The following TLCD4 variants were observed in gnomAD, a reference collection of about 807,000 sequenced individuals.
The protein encoded by TLCD4 is TLC domain containing 4.
TLCD4 carries 7 observed loss-of-function variants against 24.2 expected under a neutral mutation model. That is an observed-to-expected ratio of 0.29 (90% CI 0.16 to 0.54). The LOEUF (loss-of-function observed/expected upper bound fraction) is 0.54. Ranked by LOEUF, TLCD4 falls within the 20% of genes least tolerant of loss-of-function variation. TLCD4 has a pLI of 0.95. For synonymous variants in TLCD4, 103 were observed against 106.4 expected (o/e 0.97, Z 0.20); for missense variants, 259 against 313.9 (o/e 0.82, Z 1.32).
the TLCD4 span, among the ~76,000 whole-genome samples, chr1:95,105,323 C>T: frequency 6.6e-6 from 1 of 152,108 alleles, no homozygotes; most frequent in African/African-American, 2.4e-5. Context: ...AAAATAAATT[C>T]CCTGAAATAT....
At chr1:95,125,959 C>T (rs1371514074) in intron 1 of TLCD4, among the ~76,000 whole-genome samples, 2 of 148,850 alleles carry the variant, frequency 1.3e-5, no homozygotes, top group African/African-American at 5.0e-5. Flanking sequence ...TGAGACAAGC[C>T]TGGACAACAT....
the TLCD4 span, among the ~76,000 whole-genome samples, chr1:95,106,006 C>A: frequency 6.6e-6 from 1 of 151,932 alleles, no homozygotes; most frequent in Admixed American, 6.6e-5. Context: ...CTGAATGCTT[C>A]TGTGGGACGA....
intron 6 of TLCD4, among the ~76,000 whole-genome samples, chr1:95,178,506 A>G (rs994179279): frequency 2.3e-5 from 3 of 129,134 alleles, no homozygotes; most frequent in African/African-American, 6.1e-5. Flanking sequence ...CAGGTGATCC[A>G]CCCACCTCGG....
chr1:95,165,364 T>C (rs530398282), intron 5 of TLCD4, among the ~76,000 whole-genome samples: 180 of 152,196 alleles, frequency 1.2e-3, no homozygotes, highest in Non-Finnish European at 1.9e-3. Flanking sequence ...TAACTTTGAG[T>C]GAATATCCAT....
chr1:95,145,782 A>G (rs1244301831), intron 2 of TLCD4, among the ~76,000 whole-genome samples: 1 of 152,094 alleles, frequency 6.6e-6, no homozygotes, highest in African/African-American at 2.4e-5. Context: ...GATGAAAATG[A>G]AATGAAATTG....
chr1:95,128,969 T>G (rs946684858), intron 1 of TLCD4, among the ~76,000 whole-genome samples: 2 of 152,116 alleles, frequency 1.3e-5, no homozygotes, highest in African/African-American at 2.4e-5. Context: ...GGTAGCAAGG[T>G]GGGGCCACCC....
chr1:95,180,056 T>G (rs1325956824), intron 6 of TLCD4, among the ~76,000 whole-genome samples: 3 of 152,250 alleles, frequency 2.0e-5, no homozygotes, highest in Admixed American at 6.5e-5. Flanking sequence ...GGGCCAAATT[T>G]TGTTAAACTT....
At chr1:95,177,316 C>T (rs1678467754) in intron 6 of TLCD4, among the ~76,000 whole-genome samples, 1 of 152,010 alleles carries the variant, frequency 6.6e-6, no homozygotes, top group Non-Finnish European at 1.5e-5. Context: ...ATCTAAAACC[C>T]GGGGAAGGCT....
rs1679059176 is a variant in TLCD4, at chr1:95,192,460, T to C, written c.*592T>C. On this transcript the variant is annotated 3_prime_UTR_variant, in exon 7 of 7. Coordinates refer to ENST00000370203, the MANE Select transcript of TLCD4 (RefSeq NM_152487.3). ...TGAATCTTTTGAGAAATCTCTTAAC[T>C]GCATTGGTATTTTTTCTCTGTGAAA... 6.6e-6 allele frequency: 1 copy of C among 152,242 alleles called. No homozygotes were observed. Among genetic ancestry groups the C allele is most frequent in the South Asian group, 2.1e-4 (1 of 4,834 alleles). 9.4% of individuals were successfully genotyped at this position (152,242 alleles called of 1,614,324 possible).
intron 2 of TLCD4, among the ~76,000 whole-genome samples, chr1:95,147,555 T>C (rs1677385912): frequency 6.6e-6 from 1 of 152,214 alleles, no homozygotes. Flanking sequence ...ATGGCTTGAT[T>C]TAGCATGATA....
intron 6 of TLCD4, among the ~76,000 whole-genome samples, chr1:95,189,444 G>A (rs1196984368): frequency 2.6e-5 from 4 of 152,094 alleles, no homozygotes; most frequent in South Asian, 2.1e-4. Flanking sequence ...TTCACTTTTT[G>A]TGCACTTCTG....
At chr1:95,160,373 C>G (rs1482471929) in intron 5 of TLCD4, among the ~76,000 whole-genome samples, 3 of 152,212 alleles carry the variant, frequency 2.0e-5, no homozygotes, top group Middle Eastern at 3.2e-3. Context: ...TGAGACTTTG[C>G]TGAAGTTGCT....
intron 6 of TLCD4, among the ~76,000 whole-genome samples, chr1:95,183,801 G>A (rs1224244216): frequency 6.6e-6 from 1 of 152,050 alleles, no homozygotes; most frequent in African/African-American, 2.4e-5. Context: ...TCGCACCACT[G>A]CACTCCAGCC....
At chr1:95,136,639 C>G (rs1195163267) in intron 1 of TLCD4, among the ~76,000 whole-genome samples, 1 of 152,194 alleles carries the variant, frequency 6.6e-6, no homozygotes, top group East Asian at 1.9e-4. Flanking sequence ...TCAGCTAGCT[C>G]TTGGGCTCAC....
chr1:95,100,118 A>G, the TLCD4 span, among the ~76,000 whole-genome samples: 2 of 152,124 alleles, frequency 1.3e-5, no homozygotes, highest in East Asian at 1.9e-4. Flanking sequence ...AAAAATATGT[A>G]TATGCATATA....
chr1:95,099,053 C>CAAAAAAAA, the TLCD4 span, among the ~76,000 whole-genome samples: 277 of 70,632 alleles, frequency 3.9e-3, 27 homozygotes, highest in Middle Eastern at 0.016. Flanking sequence ...AACTCTGTCT[C>CAAAAAAAA]AAAAAAAAAA....
chr1:95,187,762 A>G (rs1006142711), intron 6 of TLCD4, among the ~76,000 whole-genome samples: 1 of 152,092 alleles, frequency 6.6e-6, no homozygotes, highest in Admixed American at 6.6e-5. Flanking sequence ...GGGGACTGCC[A>G]TAAAAAATGC....
At chr1:95,137,494 T>G (rs1334876574) in intron 1 of TLCD4, among the ~76,000 whole-genome samples, 1 of 152,132 alleles carries the variant, frequency 6.6e-6, no homozygotes, top group Non-Finnish European at 1.5e-5. Context: ...GTATTTGATA[T>G]ATTCTCTAAG....
At chr1:95,127,373 G>A (rs1296326512) in intron 1 of TLCD4, among the ~76,000 whole-genome samples, 1 of 152,200 alleles carries the variant, frequency 6.6e-6, no homozygotes, top group Non-Finnish European at 1.5e-5. Context: ...GGGTTAATGA[G>A]ATCCATGATT....
Sources: allele counts gnomAD v4.1 joint callset (sites outside exome capture counted in the v4.1 genomes callset), GRCh38; gene constraint gnomAD v4.1.1; transcripts MANE v1.5; gene names NCBI Gene and HGNC (gene_info 2026-07-23, HGNC 2026-07-21).